Variants in CCND3 observed in about 807,000 individuals in gnomAD.
The protein encoded by CCND3 is cyclin D3.
CCND3 carries 9 observed loss-of-function variants against 28.7 expected under a neutral mutation model. The observed-to-expected ratio is 0.31, with a 90% confidence interval of 0.19 to 0.55. The LOEUF (loss-of-function observed/expected upper bound fraction) is 0.55. Among genes scored for constraint, CCND3 ranks in the 20% least tolerant of loss-of-function variants. CCND3 has a pLI of 0.93. For synonymous variants in CCND3, 164 were observed against 163.9 expected (o/e 1.00, Z 0.00); for missense variants, 315 against 385.8 (o/e 0.82, Z 1.54).
chr6:41,954,884 A>G (rs1464106885), intron 1 of CCND3, among the ~76,000 whole-genome samples: 1 of 152,196 alleles, frequency 6.6e-6, no homozygotes, highest in African/African-American at 2.4e-5. Context: ...CCATCTTGCA[A>G]TAATGAAAGA....
At chr6:41,997,532 T>A (rs1762845050) in intron 1 of CCND3, among the ~76,000 whole-genome samples, 2 of 152,062 alleles carry the variant, frequency 1.3e-5, no homozygotes, top group African/African-American at 4.8e-5. Context: ...TCTTCCTCAT[T>A]TAAGAGGCCA....
chr6:42,040,059 C>T lies in CCND3; in HGVS notation c.-46+8442G>A, dbSNP rs117467300. Reference sequence around the variant, plus strand: ...GTCTCAACAGGGAACCCAGTGTAATCTCACACTTGCCCTGGTAGGTGGATA... The same window carrying T: ...GTCTCAACAGGGAACCCAGTGTAATTTCACACTTGCCCTGGTAGGTGGATA... On this transcript the variant is annotated intron_variant, in intron 1 of 4. Coordinates refer to the CCND3 transcript ENST00000372988. 2.2e-3 allele frequency among the ~76,000 whole-genome samples: 337 copies of T among 152,344 alleles called. 7 individuals carry two copies. In the East Asian group the frequency reaches 0.053, roughly 24 times the overall value.
Position 42,048,636 on chromosome 6 carries a change from C to G in CCND3, c.-181G>C, listed in dbSNP as rs553528483. 63 of 518,324 alleles carry G rather than the reference C, an allele frequency of 1.2e-4. 1 individual carries two copies. Among genetic ancestry groups the G allele is most frequent in the African/African-American group, 4.0e-4 (21 of 52,066 alleles). 32.1% of individuals were successfully genotyped at this position (518,324 alleles called of 1,614,324 possible). A position where few individuals can be genotyped will look rare whatever the true frequency, so the allele number is the denominator to read the frequency against. On this transcript the variant is annotated 5_prime_UTR_variant, in exon 1 of 5. Transcript: ENST00000372988. The surrounding 1 kb of genome is among the most constrained non-coding windows in gnomAD (Gnocchi z 4.7). Reference sequence around the variant, plus strand: ...GAGGAGAGGATTGCACCTCTCCCCCCCGGCCGGCATCCGAACAGAGCCAGT... The same window carrying G: ...GAGGAGAGGATTGCACCTCTCCCCCGCGGCCGGCATCCGAACAGAGCCAGT...
intron 1 of CCND3, among the ~76,000 whole-genome samples, chr6:42,004,096 T>A (rs1469551220): frequency 4.4e-5 from 6 of 137,144 alleles, no homozygotes; most frequent in South Asian, 2.3e-4. Flanking sequence ...GTGTATGTAT[T>A]TTTTTTTTTT....
chr6:41,954,400 A>AT (rs1438692785), intron 1 of CCND3, among the ~76,000 whole-genome samples: 53 of 150,714 alleles, frequency 3.5e-4, no homozygotes, highest in Non-Finnish European at 6.9e-4. Flanking sequence ...AAATACAAAA[A>AT]TTTAGCCGGG....
chr6:42,000,234 C>CGTTTTTTT lies in CCND3; in HGVS notation c.-46+48266_-46+48267insAAAAAAAC, dbSNP rs1762951898. Reference sequence around the variant, plus strand: ...AGTCTCGTGGAAATTTGAAAACATACTTTTTTTTTTTTTTTTTTTTTTTTT... The same window carrying CGTTTTTTT: ...AGTCTCGTGGAAATTTGAAAACATACGTTTTTTTTTTTTTTTTTTTTTTTTTTTTTTTT... On this transcript the variant is annotated intron_variant, in intron 1 of 4. Transcript: ENST00000372988. Among the ~76,000 whole-genome samples the CGTTTTTTT allele has an allele frequency of 1.8e-4, 9 of 51,012 alleles. 2 individuals are homozygous for CGTTTTTTT. Among genetic ancestry groups the CGTTTTTTT allele is most frequent in the Non-Finnish European group, 2.2e-4 (7 of 31,692 alleles). 33.5% of individuals were successfully genotyped at this position (51,012 alleles called of 152,430 possible).
In CCND3 at chr6:42,034,624, C is replaced by T. The variant is rs75742249; in HGVS notation, c.-46+13877G>A. 3.2e-3 allele frequency among the ~76,000 whole-genome samples: 481 copies of T among 151,766 alleles called. 17 individuals carry two copies. In the East Asian group the frequency reaches 0.089, roughly 28 times the overall value. Reference sequence around the variant, plus strand: ...TCCCGAGTAGCTGGGACTACAGGCTCGTGCCACCATGCCCGGTTATCTGTG... The same window carrying T: ...TCCCGAGTAGCTGGGACTACAGGCTTGTGCCACCATGCCCGGTTATCTGTG... On this transcript the variant is annotated intron_variant, in intron 1 of 4. Coordinates refer to the CCND3 transcript ENST00000372988.
At position 41,938,704 on chromosome 6, in the gene CCND3, G is replaced by A. The variant is rs541956873; in HGVS notation, c.415-1310C>T. On this transcript the variant is annotated intron_variant, in intron 2 of 4. Coordinates refer to ENST00000372991, the MANE Select transcript of CCND3 (RefSeq NM_001760.5). The surrounding 1 kb of genome is among the most constrained non-coding windows in gnomAD (Gnocchi z 4.6). ...GAGAACACACCCCTGGGAGTGCTTA[G>A]CTTCAGTAGGTGGCAGCGGCCATCA... 6.6e-6 allele frequency among the ~76,000 whole-genome samples: 1 copy of A among 152,310 alleles called. No individual in the cohort carries two copies. Among genetic ancestry groups the A allele is most frequent in the East Asian group, 1.9e-4 (1 of 5,178 alleles).
intron 1 of CCND3, among the ~76,000 whole-genome samples, chr6:42,040,245 C>CAAAT (rs1764330659): frequency 3.3e-5 from 5 of 151,918 alleles, no homozygotes; most frequent in Non-Finnish European, 7.4e-5. Flanking sequence ...TGACGAAACC[C>CAAAT]TGTCTCTACT....
At chr6:41,974,222 A>C (rs1007732381) in intron 1 of CCND3, among the ~76,000 whole-genome samples, 2 of 152,106 alleles carry the variant, frequency 1.3e-5, no homozygotes, top group Non-Finnish European at 2.9e-5. Context: ...AGTGCCTAGC[A>C]CAACTCATGT....
intron 1 of CCND3, among the ~76,000 whole-genome samples, chr6:42,006,657 C>A (rs1763183111): frequency 6.6e-6 from 1 of 152,060 alleles, no homozygotes; most frequent in African/African-American, 2.4e-5. Context: ...GCCTGTAATC[C>A]CAGCACTTTG....
At chr6:42,017,440 C>T (rs946670240) in intron 1 of CCND3, among the ~76,000 whole-genome samples, 1 of 152,258 alleles carries the variant, frequency 6.6e-6, no homozygotes, top group African/African-American at 2.4e-5. Context: ...CTGGCCTCTG[C>T]ATCTGGGACT....
intron 1 of CCND3, among the ~76,000 whole-genome samples, chr6:41,974,317 T>C (rs1434352772): frequency 1.3e-5 from 2 of 152,080 alleles, no homozygotes; most frequent in Non-Finnish European, 2.9e-5. Context: ...TCACTTAGAG[T>C]GCACCATCTT....
chr6:42,026,445 C>T (rs9394852), intron 1 of CCND3, among the ~76,000 whole-genome samples: 94,649 of 151,894 alleles, frequency 0.62, 31,813 homozygotes, highest in South Asian at 0.83. Flanking sequence ...GGGAGTCCAG[C>T]GTGAGGGCAT....
Position 41,990,660 on chromosome 6 carries a change from A to ATTTTTTTTTTTTTTTTT in CCND3, c.-45-50092_-45-50076dup, listed in dbSNP as rs67939325. On this transcript the variant is annotated intron_variant, in intron 1 of 4. Transcript: ENST00000372988. ...TAGTCCATGAATCTATAACCAACTG[A>ATTTTTTTTTTTTTTTTT]TTTTTTTTTTTTTTTTTTTTTTTTT... Among the ~76,000 whole-genome samples the ATTTTTTTTTTTTTTTTT allele has an allele frequency of 1.2e-4, 14 of 121,276 alleles. 7 individuals carry two copies. Among genetic ancestry groups the ATTTTTTTTTTTTTTTTT allele is most frequent in the Admixed American group, 2.0e-4 (2 of 10,104 alleles). 79.6% of individuals were successfully genotyped at this position (121,276 alleles called of 152,430 possible).
At chr6:42,038,053 TC>T (rs1764278622) in intron 1 of CCND3, among the ~76,000 whole-genome samples, 2 of 145,928 alleles carry the variant, frequency 1.4e-5, no homozygotes, top group Admixed American at 6.9e-5. Context: ...AAAAAAAAGT[TC>T]TTTGGGATCC....
At chr6:42,042,181 G>A (rs1764386834) in intron 1 of CCND3, among the ~76,000 whole-genome samples, 1 of 152,146 alleles carries the variant, frequency 6.6e-6, no homozygotes, top group Admixed American at 6.5e-5. Context: ...AACCAGGGCT[G>A]TCTCTTTGGA....
intron 1 of CCND3, among the ~76,000 whole-genome samples, chr6:41,974,661 C>T (rs1010242624): frequency 6.6e-6 from 1 of 152,126 alleles, no homozygotes. Context: ...CCCACAGCAC[C>T]GTTCAGTTCC....
intron 1 of CCND3, among the ~76,000 whole-genome samples, chr6:42,037,709 G>T (rs1764260085): frequency 6.6e-6 from 1 of 151,908 alleles, no homozygotes. Flanking sequence ...TGCCATGTCG[G>T]GTGCACCGAT....
Sources: allele counts gnomAD v4.1 joint callset (sites outside exome capture counted in the v4.1 genomes callset), GRCh38; gene constraint gnomAD v4.1.1; non-coding constraint Gnocchi (gnomAD v3.1); transcripts MANE v1.5; gene names NCBI Gene and HGNC (gene_info 2026-07-23, HGNC 2026-07-21).